DPP10: variants seen among roughly 807,000 people sequenced by gnomAD.
DPP10 encodes the protein inactive dipeptidyl peptidase 10.
In DPP10, 33 loss-of-function variants were observed where a neutral mutation model predicts 120.9. That is an observed-to-expected ratio of 0.27 (90% confidence interval 0.21 to 0.37). The LOEUF (loss-of-function observed/expected upper bound fraction) is 0.37. Ranked by LOEUF, DPP10 falls within the 10% of genes least tolerant of loss-of-function variation. The probability of loss-of-function intolerance (pLI) is 1.00; values close to 1 mark genes in which losing one functional copy is unlikely to be tolerated. For missense variants in DPP10, 816 were observed against 942.8 expected, an observed-to-expected ratio of 0.87 and a Z score of 1.76; for synonymous variants, 337 against 326.1, an observed-to-expected ratio of 1.03 and a Z score of -0.36.
At chr2:114,771,053 C>T (rs1375417036) in intron 1 of DPP10, among the ~76,000 whole-genome samples, 4 of 152,160 alleles carry the variant, frequency 2.6e-5, no homozygotes, top group African/African-American at 9.7e-5. Flanking sequence ...ACCCACTGTG[C>T]TGTGATTATG....
At chr2:115,033,296 C>T (rs150722777) in intron 1 of DPP10, among the ~76,000 whole-genome samples, 149 of 152,208 alleles carry the variant, frequency 9.8e-4, no homozygotes, top group Middle Eastern at 3.4e-3. Context: ...TTATATAAAC[C>T]GAGCCTCTCA....
chr2:115,364,677 A>G (rs916359344), intron 3 of DPP10, among the ~76,000 whole-genome samples: 8 of 149,450 alleles, frequency 5.4e-5, no homozygotes, highest in African/African-American at 2.0e-4. Context: ...ATGCTTAGCA[A>G]TGTTTGGATT....
chr2:115,830,047 C>T (rs1013857993), intron 21 of DPP10, among the ~76,000 whole-genome samples: 1 of 151,984 alleles, frequency 6.6e-6, no homozygotes, highest in Admixed American at 6.6e-5. Flanking sequence ...ATTTTATGGA[C>T]ATAGCTTCTT....
chr2:114,896,550 G>A (rs1693019539), intron 1 of DPP10, among the ~76,000 whole-genome samples: 2 of 152,052 alleles, frequency 1.3e-5, no homozygotes, highest in Non-Finnish European at 2.9e-5. Context: ...TGTTATTGGT[G>A]TATAAGAATG....
intron 1 of DPP10, among the ~76,000 whole-genome samples, chr2:114,684,803 T>C (rs1005522133): frequency 6.6e-6 from 1 of 152,006 alleles, no homozygotes; most frequent in Non-Finnish European, 1.5e-5. Context: ...TGTGAGATAC[T>C]GTACAGCACC....
intron 1 of DPP10, among the ~76,000 whole-genome samples, chr2:114,954,860 C>T (rs981666745): frequency 6.6e-6 from 1 of 151,962 alleles, no homozygotes; most frequent in Non-Finnish European, 1.5e-5. Flanking sequence ...TTTGATTACC[C>T]AGAAGAAATA....
chr2:114,914,340 T>C (rs1426410586), intron 1 of DPP10, among the ~76,000 whole-genome samples: 1 of 152,216 alleles, frequency 6.6e-6, no homozygotes, highest in Non-Finnish European at 1.5e-5. Context: ...AAGGGAACCC[T>C]ATCAAGCTAA....
chr2:115,317,307 C>A (rs2061842176), intron 2 of DPP10, among the ~76,000 whole-genome samples: 2 of 152,136 alleles, frequency 1.3e-5, no homozygotes, highest in African/African-American at 4.8e-5. Context: ...CCTTTAGTGT[C>A]TAACATCTTT....
intron 5 of DPP10, among the ~76,000 whole-genome samples, chr2:115,541,330 C>T (rs2079158607): frequency 6.6e-6 from 1 of 151,694 alleles, no homozygotes; most frequent in Admixed American, 6.6e-5. Context: ...ATCATCCTTG[C>T]CCTTAAAACT....
At chr2:115,381,523 T>A (rs2066354341) in intron 3 of DPP10, among the ~76,000 whole-genome samples, 1 of 152,228 alleles carries the variant, frequency 6.6e-6, no homozygotes, top group Non-Finnish European at 1.5e-5. Flanking sequence ...TCGGAGAAAT[T>A]TGATCGTCTG....
In DPP10 at chr2:115,632,028, G is replaced by T. The variant is rs187345255; in HGVS notation, c.442-57659G>T. On this transcript the variant is annotated intron_variant, in intron 5 of 25. Coordinates refer to ENST00000410059, the MANE Select transcript of DPP10 (RefSeq NM_020868.6). ...CAGTGGGGTGTTGAAGTCTCACACT[G>T]TTACTATGTGGGAATCTAAGTCTCT... Among the ~76,000 whole-genome samples, 11 of 152,138 alleles carry T rather than the reference G, an allele frequency of 7.2e-5. No individual in the cohort carries two copies. In the East Asian group the frequency reaches 1.2e-3, roughly 16 times the overall value.
chr2:115,105,047 G>A (rs1014822193), intron 1 of DPP10, among the ~76,000 whole-genome samples: 9 of 152,058 alleles, frequency 5.9e-5, no homozygotes, highest in Admixed American at 5.9e-4. Flanking sequence ...ACGTTTGCTT[G>A]AATTGATTGA....
rs567681128 is a variant in DPP10 at position 114,924,956 on chromosome 2, A to C, written c.61-384283A>C. ...GCTGGGCACGGTGGCTCACGCCAGTAATCCCAGCACTTTGGGAGGCCGAGG... is the reference window on the plus strand; with the variant it reads ...GCTGGGCACGGTGGCTCACGCCAGTCATCCCAGCACTTTGGGAGGCCGAGG... On this transcript the variant is annotated intron_variant, in intron 1 of 25. Coordinates refer to ENST00000410059, the MANE Select transcript of DPP10 (RefSeq NM_020868.6). Among the ~76,000 whole-genome samples, 7 of 152,328 alleles carry C rather than the reference A, an allele frequency of 4.6e-5. No homozygotes were observed. In the East Asian group the frequency reaches 1.4e-3, roughly 29 times the overall value.
At chr2:115,830,415 T>A (rs35829278) in intron 21 of DPP10, among the ~76,000 whole-genome samples, 18,433 of 151,272 alleles carry the variant, frequency 0.12, 1,303 homozygotes, top group African/African-American at 0.18. Flanking sequence ...AGTTGTCTTA[T>A]AAACATTTTT....
intron 1 of DPP10, among the ~76,000 whole-genome samples, chr2:114,789,716 A>G (rs969152968): frequency 7.2e-5 from 11 of 152,228 alleles, no homozygotes; most frequent in African/African-American, 2.7e-4. Flanking sequence ...ATAAATAAAT[A>G]CATTGATTAA....
At chr2:114,707,380 A>G (rs990398940) in intron 1 of DPP10, among the ~76,000 whole-genome samples, 1 of 152,232 alleles carries the variant, frequency 6.6e-6, no homozygotes, top group African/African-American at 2.4e-5. Flanking sequence ...ATTTCAAATT[A>G]TTAGACAGCT....
chr2:115,006,983 G>C (rs1701895370), intron 1 of DPP10, among the ~76,000 whole-genome samples: 1 of 151,928 alleles, frequency 6.6e-6, no homozygotes, highest in Non-Finnish European at 1.5e-5. Context: ...GCTCTCCTCA[G>C]CAAATGTAAA....
chr2:115,718,338 C>T (rs187377660), intron 7 of DPP10, among the ~76,000 whole-genome samples: 5 of 152,166 alleles, frequency 3.3e-5, no homozygotes, highest in South Asian at 2.1e-4. Context: ...TGAAGTAACA[C>T]GATTGCCCAA....
At chr2:114,684,505 G>T (rs144855425) in intron 1 of DPP10, among the ~76,000 whole-genome samples, 2 of 152,142 alleles carry the variant, frequency 1.3e-5, no homozygotes, top group East Asian at 3.9e-4. Context: ...CAATGCTAGT[G>T]TGCTAGTAGA....
Sources: gnomAD v4.1 joint callset for allele counts (sites outside exome capture counted in the v4.1 genomes callset) on GRCh38, gnomAD v4.1.1 for gene constraint, MANE v1.5 for transcripts, NCBI Gene and HGNC (gene_info 2026-07-23, HGNC 2026-07-21) for gene names.